The following MORC1 variants were observed in gnomAD, a reference collection of about 807,000 sequenced individuals.
The protein encoded by MORC1 is MORC family CW-type zinc finger protein 1.
In MORC1, 59 loss-of-function variants were observed where a neutral mutation model predicts 134.9. The observed-to-expected ratio is 0.44, with a 90% CI of 0.35 to 0.54. The LOEUF is 0.54. Ranked by LOEUF, MORC1 falls within the 20% of genes least tolerant of loss-of-function variation. The pLI, the probability that MORC1 is intolerant of heterozygous loss-of-function variation, is 0.00. For missense variants in MORC1, 947 were observed against 1,134.5 expected, an observed-to-expected ratio of 0.83 and a Z score of 2.37; for synonymous variants, 395 against 391.7, an observed-to-expected ratio of 1.01 and a Z score of -0.10.
intron 17 of MORC1, among the ~76,000 whole-genome samples, chr3:109,012,313 CT>C (rs1948705637): frequency 6.6e-6 from 1 of 152,116 alleles, no homozygotes; most frequent in Non-Finnish European, 1.5e-5. Context: ...ATATTTGTCT[CT>C]TTTTACACCA....
intron 24 of MORC1, among the ~76,000 whole-genome samples, chr3:108,973,449 A>C (rs1428060795): frequency 6.6e-6 from 1 of 152,102 alleles, no homozygotes; most frequent in Non-Finnish European, 1.5e-5. Context: ...AGATGGGGGC[A>C]TGTGAAGGAA....
intron 21 of MORC1, among the ~76,000 whole-genome samples, chr3:108,999,083 T>C (rs991897704): frequency 1.3e-5 from 2 of 152,076 alleles, no homozygotes; most frequent in Non-Finnish European, 2.9e-5. Context: ...TTTGAAGAGG[T>C]CAAGAGAGGC....
chr3:109,092,877 G>A (rs1950758639), intron 8 of MORC1, among the ~76,000 whole-genome samples: 2 of 152,120 alleles, frequency 1.3e-5, no homozygotes. Flanking sequence ...AAGTAACACT[G>A]TTATTTTAGA....
At chr3:109,084,176 G>C (rs1559942836) in intron 8 of MORC1, among the ~76,000 whole-genome samples, 1 of 152,092 alleles carries the variant, frequency 6.6e-6, no homozygotes, top group African/African-American at 2.4e-5. Context: ...CCAAGAGAAA[G>C]AAATATGGGG....
chr3:109,043,181 CAAAATGT>C (rs1559914993), intron 14 of MORC1, among the ~76,000 whole-genome samples: 4 of 24,008 alleles, frequency 1.7e-4, no homozygotes, highest in Non-Finnish European at 2.5e-4. Flanking sequence ...CAAAATGTGG[CAAAATGT>C]GGGGGGGGGG....
intron 8 of MORC1, among the ~76,000 whole-genome samples, chr3:109,072,879 T>C (rs1319984661): frequency 2.6e-5 from 4 of 152,086 alleles, no homozygotes; most frequent in Middle Eastern, 3.2e-3. Context: ...TCATTTTCTA[T>C]GTAACTGGCT....
chr3:109,063,790 C>T (rs1311967877), intron 9 of MORC1, among the ~76,000 whole-genome samples: 1 of 151,994 alleles, frequency 6.6e-6, no homozygotes, highest in East Asian at 1.9e-4. Context: ...AATATACATA[C>T]ATATATATAT....
chr3:109,078,251 T>C (rs1950459413), intron 8 of MORC1, among the ~76,000 whole-genome samples: 1 of 152,102 alleles, frequency 6.6e-6, no homozygotes, highest in African/African-American at 2.4e-5. Context: ...GCTCTGTCCT[T>C]ATCAGAGATT....
At chr3:108,980,829 T>C (rs1018961297) in intron 23 of MORC1, among the ~76,000 whole-genome samples, 3 of 152,094 alleles carry the variant, frequency 2.0e-5, no homozygotes, top group African/African-American at 7.2e-5. Context: ...AAGAAGAATG[T>C]TCAGAGCTAC....
At chr3:109,117,349 A>G (rs950910405) in intron 1 of MORC1, among the ~76,000 whole-genome samples, 12 of 150,906 alleles carry the variant, frequency 8.0e-5, no homozygotes, top group African/African-American at 1.2e-4. Context: ...AAAAAAAAAA[A>G]AAAAGAAACA....
chr3:108,974,456 A>C (rs1464417114), intron 24 of MORC1, among the ~76,000 whole-genome samples: 1 of 152,152 alleles, frequency 6.6e-6, no homozygotes, highest in African/African-American at 2.4e-5. Flanking sequence ...ATCTTATCAA[A>C]CCTCTCTCTA....
intron 8 of MORC1, among the ~76,000 whole-genome samples, chr3:109,076,401 T>C (rs932642313): frequency 5.3e-5 from 8 of 152,144 alleles, no homozygotes; most frequent in Non-Finnish European, 7.3e-5. Context: ...AGTTCAACCA[T>C]TGTGGAAGAC....
chr3:108,982,446 T>C (rs1300754723), intron 23 of MORC1, among the ~76,000 whole-genome samples: 7 of 151,938 alleles, frequency 4.6e-5, no homozygotes, highest in Non-Finnish European at 1.0e-4. Context: ...AAAGACACAA[T>C]GCACACGTAT....
At chr3:108,997,939 C>T (rs1459508487) in intron 21 of MORC1, among the ~76,000 whole-genome samples, 1 of 152,078 alleles carries the variant, frequency 6.6e-6, no homozygotes, top group Non-Finnish European at 1.5e-5. Flanking sequence ...ATCTGCCAGT[C>T]AGAATGGAGT....
intron 3 of MORC1, among the ~76,000 whole-genome samples, chr3:109,104,343 T>A (rs778122086): frequency 6.6e-6 from 1 of 152,168 alleles, no homozygotes; most frequent in Non-Finnish European, 1.5e-5. Flanking sequence ...CCATTCTTAT[T>A]AAATCCATCA....
chr3:109,014,760 TAC>T (rs1447618874), intron 17 of MORC1, among the ~76,000 whole-genome samples: 10 of 152,210 alleles, frequency 6.6e-5, no homozygotes, highest in Non-Finnish European at 4.4e-5. Context: ...TTCTATAAAT[TAC>T]ACTCTTTCAT....
intron 14 of MORC1, among the ~76,000 whole-genome samples, chr3:109,053,743 A>ATGT (rs1381859255): frequency 2.0e-5 from 3 of 152,322 alleles, no homozygotes; most frequent in East Asian, 3.9e-4. Context: ...CCTCTGTAAC[A>ATGT]ACCTTGTACA....
chr3:108,961,573 G>A (rs1050222403), intron 27 of MORC1, among the ~76,000 whole-genome samples: 1 of 152,002 alleles, frequency 6.6e-6, no homozygotes, highest in Non-Finnish European at 1.5e-5. Flanking sequence ...TGTACTCTAC[G>A]GCAGTGGCTC....
chr3:109,108,771 G>A (rs191871288), intron 3 of MORC1, among the ~76,000 whole-genome samples: 129 of 152,186 alleles, frequency 8.5e-4, no homozygotes, highest in African/African-American at 3.0e-3. Flanking sequence ...ATGGTGGCGG[G>A]CACATGTAGT....
Sources: gnomAD v4.1 joint callset for allele counts (sites outside exome capture counted in the v4.1 genomes callset) on GRCh38, gnomAD v4.1.1 for gene constraint, MANE v1.5 for transcripts, NCBI Gene and HGNC (gene_info 2026-07-23, HGNC 2026-07-21) for gene names.